OPCML: variants seen among roughly 807,000 people sequenced by gnomAD.
OPCML encodes the protein opioid binding protein/cell adhesion molecule like.
OPCML carries 13 observed loss-of-function variants against 37.8 expected under a neutral mutation model. That is an observed-to-expected ratio of 0.34 (90% CI 0.22 to 0.55). The LOEUF is 0.55. Ranked by LOEUF, OPCML falls within the 20% of genes least tolerant of loss-of-function variation. The probability of loss-of-function intolerance (pLI) is 0.91; values close to 1 mark genes in which losing one functional copy is unlikely to be tolerated. For synonymous variants in OPCML, 176 were observed against 168.8 expected (o/e 1.04, Z -0.33); for missense variants, 341 against 435.6 (o/e 0.78, Z 1.93).
At chr11:132,567,257 A>G (rs939501822) in intron 3 of OPCML, among the ~76,000 whole-genome samples, 30 of 152,214 alleles carry the variant, frequency 2.0e-4, no homozygotes, top group Non-Finnish European at 3.7e-4. Context: ...TGCCAACAGC[A>G]ACTGAGTTGC....
chr11:132,694,674 G>T (rs1301582497), intron 2 of OPCML, among the ~76,000 whole-genome samples: 1 of 152,184 alleles, frequency 6.6e-6, no homozygotes, highest in Admixed American at 6.5e-5. Context: ...TGAAGGTGGT[G>T]ACTGCATAGA....
intron 2 of OPCML, among the ~76,000 whole-genome samples, chr11:132,671,103 T>C (rs1229376681): frequency 2.0e-5 from 3 of 152,128 alleles, no homozygotes; most frequent in African/African-American, 7.2e-5. Context: ...TTATTTGAGT[T>C]TTTAAAAATA....
chr11:133,150,896 T>C lies in OPCML; in HGVS notation c.62-207886A>G, dbSNP rs147544760. Among the ~76,000 whole-genome samples, 591 of 152,204 alleles carry C rather than the reference T, an allele frequency of 3.9e-3. 3 individuals carry two copies. The highest frequency in any genetic ancestry group is 0.014 in the African/African-American group (564 of 41,524). On this transcript the variant is annotated intron_variant, in intron 1 of 7. Coordinates refer to ENST00000524381, the MANE Select transcript of OPCML (RefSeq NM_001012393.5). ...GACCCAAAGGGCAGCTGAGAAGGAC[T>C]GAGAGCTCCTCAGGAAGCCACATCC...
chr11:133,514,949 T>G (rs1197482082), intron 1 of OPCML, among the ~76,000 whole-genome samples: 1 of 152,220 alleles, frequency 6.6e-6, no homozygotes, highest in Non-Finnish European at 1.5e-5. Flanking sequence ...TTCTCATATC[T>G]AATTTATTCC....
At chr11:132,832,248 G>GAAAGA (rs1555195631) in intron 2 of OPCML, among the ~76,000 whole-genome samples, 5 of 143,034 alleles carry the variant, frequency 3.5e-5, no homozygotes, top group Non-Finnish European at 7.6e-5. Context: ...TTATTTTAAT[G>GAAAGA]AAAAAAAAAA....
intron 2 of OPCML, among the ~76,000 whole-genome samples, chr11:132,878,145 G>C (rs576336407): frequency 6.6e-6 from 1 of 151,222 alleles, no homozygotes; most frequent in African/African-American, 2.4e-5. Context: ...TCGCACTACT[G>C]TACTCCAGCC....
chr11:132,442,696 C>G (rs1411746360), intron 4 of OPCML, among the ~76,000 whole-genome samples: 2 of 152,118 alleles, frequency 1.3e-5, no homozygotes, highest in East Asian at 3.9e-4. Flanking sequence ...CGCAGTTCCC[C>G]CATACTGTAG....
chr11:132,694,900 T>TAG (rs1555175649), intron 2 of OPCML, among the ~76,000 whole-genome samples: 1 of 151,438 alleles, frequency 6.6e-6, no homozygotes, highest in African/African-American at 2.4e-5. Context: ...TGGCAAGACT[T>TAG]AGAAACTATA....
At chr11:132,871,944 C>T (rs758499179) in intron 2 of OPCML, among the ~76,000 whole-genome samples, 1 of 152,164 alleles carries the variant, frequency 6.6e-6, no homozygotes, top group Non-Finnish European at 1.5e-5. Flanking sequence ...CTGACTTTTC[C>T]TGGTTTTTGA....
chr11:133,224,085 T>C (rs1165937452), intron 1 of OPCML, among the ~76,000 whole-genome samples: 1 of 152,184 alleles, frequency 6.6e-6, no homozygotes, highest in Admixed American at 6.5e-5. Flanking sequence ...TGAGATAACA[T>C]TTAAAATGAA....
At chr11:133,238,932 C>G (rs1272103137) in intron 1 of OPCML, among the ~76,000 whole-genome samples, 1 of 152,224 alleles carries the variant, frequency 6.6e-6, no homozygotes, top group East Asian at 1.9e-4. Context: ...TTCTATTACT[C>G]TAACGTTAAT....
chr11:132,555,037 G>T (rs4245108), intron 3 of OPCML, among the ~76,000 whole-genome samples: 2 of 151,756 alleles, frequency 1.3e-5, no homozygotes, highest in South Asian at 2.1e-4. Context: ...AGAGATCCAT[G>T]GGAAAATGGC....
chr11:133,454,448 G>A (rs537896783), intron 1 of OPCML, among the ~76,000 whole-genome samples: 4 of 152,226 alleles, frequency 2.6e-5, no homozygotes, highest in Admixed American at 6.5e-5. Flanking sequence ...CCCCCCGTCC[G>A]AAGTGCTTAG....
chr11:133,074,056 GAATC>G (rs1948585531), intron 1 of OPCML, among the ~76,000 whole-genome samples: 1 of 152,112 alleles, frequency 6.6e-6, no homozygotes, highest in East Asian at 1.9e-4. Flanking sequence ...CCAGTAATGG[GAATC>G]TCATTCATTA....
At chr11:132,463,683 T>C (rs1271006866) in intron 4 of OPCML, among the ~76,000 whole-genome samples, 5 of 152,196 alleles carry the variant, frequency 3.3e-5, no homozygotes, top group Non-Finnish European at 5.9e-5. Flanking sequence ...TCTTCTCACC[T>C]GCCAATGGAG....
rs779217112 is a variant in OPCML, at chr11:132,971,490, CA to C, written c.62-28481del. Among the ~76,000 whole-genome samples, 6 of 152,336 alleles carry C rather than the reference CA, an allele frequency of 3.9e-5. No homozygotes were observed. The East Asian group carries it at 1.2e-3, about 29-fold the overall frequency. On this transcript the variant is annotated intron_variant, in intron 1 of 7. Transcript: ENST00000524381. Reference sequence around the variant, plus strand: ...TAAGCCCGTGCGTTCAGCCCCACCCCATTCTTGATTCTTCTCCAGCATTGAT... The same window carrying C: ...TAAGCCCGTGCGTTCAGCCCCACCCCTTCTTGATTCTTCTCCAGCATTGAT...
intron 7 of OPCML, among the ~76,000 whole-genome samples, chr11:132,423,537 G>A (rs2095967266): frequency 2.0e-5 from 3 of 152,338 alleles, no homozygotes; most frequent in Non-Finnish European, 2.9e-5. Context: ...CTTGAAGAGT[G>A]TGAGACAAAA....
chr11:132,817,773 A>G (rs915609504), intron 2 of OPCML, among the ~76,000 whole-genome samples: 1 of 152,194 alleles, frequency 6.6e-6, no homozygotes, highest in Admixed American at 6.5e-5. Flanking sequence ...CGCCAAAAAA[A>G]AAATGTAATG....
intron 1 of OPCML, among the ~76,000 whole-genome samples, chr11:133,308,179 C>T (rs564618910): frequency 2.0e-5 from 3 of 152,126 alleles, no homozygotes; most frequent in South Asian, 4.2e-4. Context: ...AAAATGTATC[C>T]AAGGTGAACA....
Sources: gnomAD v4.1 joint callset for allele counts (sites outside exome capture counted in the v4.1 genomes callset) on GRCh38, gnomAD v4.1.1 for gene constraint, MANE v1.5 for transcripts, NCBI Gene and HGNC (gene_info 2026-07-23, HGNC 2026-07-21) for gene names.